TAF4B: variants seen among roughly 807,000 people sequenced by gnomAD.
TAF4B encodes the protein transcription initiation factor TFIID subunit 4B.
Under a neutral mutation model 86.4 loss-of-function variants are expected in TAF4B, and 38 were observed. That is an observed-to-expected ratio of 0.44 (90% CI 0.34 to 0.58). TAF4B has a LOEUF of 0.58. TAF4B is among the 20% of genes least tolerant of loss of function. TAF4B has a pLI of 0.02. For missense variants in TAF4B, 988 were observed against 1,027.6 expected, an observed-to-expected ratio of 0.96 and a Z score of 0.53; for synonymous variants, 388 against 391.2, an observed-to-expected ratio of 0.99 and a Z score of 0.10.
At chr18:26,297,853 A>G (rs2056683063) in intron 9 of TAF4B, among the ~76,000 whole-genome samples, 2 of 152,168 alleles carry the variant, frequency 1.3e-5, no homozygotes, top group Admixed American at 1.3e-4. Context: ...AAATACATAG[A>G]ACAGAATTGC....
chr18:26,285,222 G>GTTTTTTTTGTTTTTTTTTTTTTTTTTT (rs1555677504), intron 6 of TAF4B, among the ~76,000 whole-genome samples: 3 of 45,660 alleles, frequency 6.6e-5, no homozygotes, highest in Non-Finnish European at 1.3e-4. Flanking sequence ...TTTTTTTTTT[G>GTTTTTTTTGTTTTTTTTTTTTTTTTTT]TTTTTTTTTT....
At chr18:26,382,286 T>G (rs1978293843) in intron 14 of TAF4B, among the ~76,000 whole-genome samples, 1 of 152,188 alleles carries the variant, frequency 6.6e-6, no homozygotes, top group African/African-American at 2.4e-5. Flanking sequence ...TAGTAAAAGT[T>G]TAAAGAAAAT....
chr18:26,345,378 TC>T (rs2057168689), intron 13 of TAF4B, among the ~76,000 whole-genome samples: 1 of 152,228 alleles, frequency 6.6e-6, no homozygotes, highest in Non-Finnish European at 1.5e-5. Context: ...TGCAGGCATG[TC>T]CTCGGGCCGG....
chr18:26,307,980 C>T (rs1412758000), intron 9 of TAF4B, among the ~76,000 whole-genome samples: 3 of 151,978 alleles, frequency 2.0e-5, no homozygotes, highest in South Asian at 2.1e-4. Flanking sequence ...TGTGGTGGTG[C>T]GCCTGTAGTC....
rs115656334 is a variant in TAF4B, at chr18:26,332,136, A to C, written c.2260-3039A>C. On this transcript the variant is annotated intron_variant, in intron 12 of 14. Coordinates refer to ENST00000269142, the MANE Select transcript of TAF4B (RefSeq NM_005640.3). ...TTTTCTTAGATCTCTACTCTCTTAG[A>C]AAGTTGCAATTACCATCCTCCAAGA... Among the ~76,000 whole-genome samples the C allele has an allele frequency of 9.9e-3, 1,506 of 152,300 alleles. 12 individuals are homozygous for C. The highest frequency in any genetic ancestry group is 0.034 in the African/African-American group (1,400 of 41,560).
chr18:26,320,349 T>G (rs1029889135), intron 10 of TAF4B, among the ~76,000 whole-genome samples: 1 of 152,206 alleles, frequency 6.6e-6, no homozygotes, highest in African/African-American at 2.4e-5. Context: ...CAAGGTTGAT[T>G]TATAAATGAA....
At chr18:26,304,391 C>T (rs1036374292) in intron 9 of TAF4B, among the ~76,000 whole-genome samples, 1 of 151,956 alleles carries the variant, frequency 6.6e-6, no homozygotes, top group Non-Finnish European at 1.5e-5. Flanking sequence ...TACGGAATCT[C>T]AAGAATGAGC....
At chr18:26,274,528 A>AGTC in intron 3 of TAF4B, 135 bp from the exon 4 acceptor site, 1 of 892,216 alleles carries the variant, frequency 1.1e-6, no homozygotes, top group Non-Finnish European at 1.7e-6. Context: ...GAACTGTATT[A>AGTC]TATTGCCTTA....
intron 14 of TAF4B, among the ~76,000 whole-genome samples, chr18:26,371,606 T>C (rs1313950245): frequency 1.3e-5 from 2 of 152,232 alleles, no homozygotes; most frequent in African/African-American, 4.8e-5. Flanking sequence ...TAGTCTGAGC[T>C]GCAGAGATCT....
chr18:26,372,374 T>C (rs746331805), intron 14 of TAF4B, among the ~76,000 whole-genome samples: 1 of 152,204 alleles, frequency 6.6e-6, no homozygotes, highest in Non-Finnish European at 1.5e-5. Context: ...TGATTTCAAT[T>C]GCAGGTATTT....
chr18:26,277,832 A>G (rs568175776), intron 5 of TAF4B, among the ~76,000 whole-genome samples: 114 of 152,312 alleles, frequency 7.5e-4, no homozygotes, highest in African/African-American at 2.6e-3. Context: ...CAGATTTATT[A>G]TTTAAGATAT....
In TAF4B at chr18:26,391,118, A is replaced by G. The variant is rs561759938; in HGVS notation, c.*1106A>G. Reference sequence around the variant, plus strand: ...ATTCTGTACTTAAAAGGTACTGTCAATATCTCACTCTTGGGGATATGAGCT... The same window carrying G: ...ATTCTGTACTTAAAAGGTACTGTCAGTATCTCACTCTTGGGGATATGAGCT... On this transcript the variant is annotated 3_prime_UTR_variant, in exon 15 of 15. Coordinates refer to ENST00000269142, the MANE Select transcript of TAF4B (RefSeq NM_005640.3). 5.9e-5 allele frequency: 9 copies of G among 152,080 alleles called. No homozygotes were observed. The highest frequency in any genetic ancestry group is 1.9e-4 in the African/African-American group (8 of 41,412). 9.4% of individuals were successfully genotyped at this position (152,080 alleles called of 1,614,324 possible).
chr18:26,318,532 A>C (rs534259647), intron 10 of TAF4B, among the ~76,000 whole-genome samples: 3 of 152,324 alleles, frequency 2.0e-5, no homozygotes, highest in African/African-American at 7.2e-5. Context: ...GGATTTTTCT[A>C]CTTGAATAAT....
intron 1 of TAF4B, among the ~76,000 whole-genome samples, chr18:26,244,966 G>A (rs1286411918): frequency 1.3e-5 from 2 of 152,188 alleles, no homozygotes; most frequent in Non-Finnish European, 2.9e-5. Context: ...AGAGCTGAAT[G>A]TCTTTCCTCT....
At chr18:26,301,461 T>A (rs549215293) in intron 9 of TAF4B, among the ~76,000 whole-genome samples, 2 of 152,224 alleles carry the variant, frequency 1.3e-5, no homozygotes, top group South Asian at 2.1e-4. Context: ...TAGCTTTTTT[T>A]AAAATTTATT....
intron 9 of TAF4B, among the ~76,000 whole-genome samples, chr18:26,301,388 G>A (rs917882880): frequency 3.3e-5 from 5 of 151,664 alleles, no homozygotes; most frequent in African/African-American, 4.8e-5. Context: ...CTAGGCTCCA[G>A]TGATGCTCCT....
chr18:26,288,684 C>T (rs1427385773), intron 7 of TAF4B, among the ~76,000 whole-genome samples: 1 of 152,082 alleles, frequency 6.6e-6, no homozygotes, highest in Non-Finnish European at 1.5e-5. Flanking sequence ...TAATGGATCT[C>T]AGACTAGAAC....
At chr18:26,331,239 TACTG>T (rs2057048096) in intron 12 of TAF4B, among the ~76,000 whole-genome samples, 1 of 152,216 alleles carries the variant, frequency 6.6e-6, no homozygotes, top group South Asian at 2.1e-4. Context: ...TATTTCCACT[TACTG>T]TGCTGTAAAC....
At chr18:26,376,605 C>G (rs2057444885) in intron 14 of TAF4B, among the ~76,000 whole-genome samples, 1 of 151,616 alleles carries the variant, frequency 6.6e-6, no homozygotes, top group South Asian at 2.1e-4. Context: ...TTTCTATATA[C>G]AAGATCATGT....
Sources: gnomAD v4.1 joint callset for allele counts (sites outside exome capture counted in the v4.1 genomes callset) on GRCh38, gnomAD v4.1.1 for gene constraint, MANE v1.5 for transcripts, NCBI Gene and HGNC (gene_info 2026-07-23, HGNC 2026-07-21) for gene names.